Variants in TMEM220 observed in about 807,000 individuals in gnomAD.
TMEM220 encodes the protein transmembrane protein 220.
TMEM220 carries 21 observed loss-of-function variants against 21.7 expected under a neutral mutation model. That is an observed-to-expected ratio of 0.97 (90% CI 0.69 to 1.39). TMEM220 has a LOEUF of 1.39. TMEM220 is among the 40% of genes most tolerant of loss of function. TMEM220 has a pLI of 0.00. For missense variants in TMEM220, 191 were observed against 201.9 expected (o/e 0.95, Z 0.33); for synonymous variants, 80 against 73.6 (o/e 1.09, Z -0.45).
downstream of TMEM220, chr17:10,711,182 G>T: frequency 6.6e-7 from 1 of 1,514,376 alleles, no homozygotes; most frequent in Non-Finnish European, 9.0e-7. Flanking sequence ...TGAGCTTTGT[G>T]TTTGTCCCTC....
chr17:10,729,903 G>GAGTCCTGCCACGTGCGGGGCGGTA lies in TMEM220; in HGVS notation c.-53_-52insTACCGCCCCGCACGTGGCAGGACT. 7.8e-7 allele frequency: 1 copy of GAGTCCTGCCACGTGCGGGGCGGTA among 1,280,418 alleles called. No homozygotes were observed. The highest frequency in any genetic ancestry group is 9.9e-7 in the Non-Finnish European group (1 of 1,011,542). The allele number at this position is 1,280,418 out of a possible 1,614,324, so 79.3% of individuals were successfully genotyped here. On this transcript the variant is annotated 5_prime_UTR_variant, in exon 1 of 6. Transcript: ENST00000341871. Reference sequence around the variant, plus strand: ...TGAGTCCTGCCACGTGCGGGGCGGTGAGTCCTGCCACGTACGGTCCGCCTT... The same window carrying GAGTCCTGCCACGTGCGGGGCGGTA: ...TGAGTCCTGCCACGTGCGGGGCGGTGAGTCCTGCCACGTGCGGGGCGGTAAGTCCTGCCACGTACGGTCCGCCTT...
chr17:10,720,957 A>G (rs2074981202), intron 5 of TMEM220, among the ~76,000 whole-genome samples: 2 of 152,258 alleles, frequency 1.3e-5, no homozygotes, highest in South Asian at 4.1e-4. Context: ...AATAAGGTTA[A>G]TAAGAACTGG....
chr17:10,721,225 G>A (rs1256370815), intron 5 of TMEM220, among the ~76,000 whole-genome samples: 1 of 152,130 alleles, frequency 6.6e-6, no homozygotes, highest in Non-Finnish European at 1.5e-5. Flanking sequence ...AAGAATTCAG[G>A]AGCAGACCTG....
intron 5 of TMEM220, among the ~76,000 whole-genome samples, chr17:10,717,604 G>C (rs2074938141): frequency 6.6e-6 from 1 of 152,130 alleles, no homozygotes; most frequent in African/African-American, 2.4e-5. Context: ...TCATGAGTGA[G>C]ACTGCCATGT....
intron 5 of TMEM220, among the ~76,000 whole-genome samples, chr17:10,721,158 A>T (rs992218565): frequency 1.3e-5 from 2 of 152,238 alleles, no homozygotes; most frequent in Admixed American, 1.3e-4. Context: ...CGCCTGGAAC[A>T]TCTTGTCATA....
At chr17:10,722,679 C>T (rs1294755591) in intron 5 of TMEM220, among the ~76,000 whole-genome samples, 1 of 152,144 alleles carries the variant, frequency 6.6e-6, no homozygotes, top group African/African-American at 2.4e-5. Context: ...TAACATTCAT[C>T]GATATGTACA....
At chr17:10,722,272 G>A (rs1419133727) in intron 5 of TMEM220, among the ~76,000 whole-genome samples, 1 of 152,104 alleles carries the variant, frequency 6.6e-6, no homozygotes, top group Non-Finnish European at 1.5e-5. Context: ...TGAGATTACA[G>A]GTGTGAGCCA....
chr17:10,718,244 A>G (rs771264628), intron 5 of TMEM220, among the ~76,000 whole-genome samples: 2 of 152,174 alleles, frequency 1.3e-5, no homozygotes, highest in Non-Finnish European at 2.9e-5. Context: ...TTATTGGTGT[A>G]AAGTTCTTCA....
At position 10,725,059 on chromosome 17, in the gene TMEM220, T is replaced by C; in HGVS notation, c.239A>G (p.Tyr80Cys). Reference protein sequence around the residue: ...CTVWAVGLASYLLHRTQQNIL... With the variant: ...CTVWAVGLASCLLHRTQQNIL... The stretch of plus-strand genomic sequence containing the variant: ...GTTCTGTTGTGTACGATGCAAGAGG[T>C]AGGACGCCAAGCCAACAGCCCACAC... Residue 80 changes from tyrosine to cysteine, a missense_variant, in exon 4 of 6, where the codon TAC (tyrosine) becomes TGC (cysteine). Tyr to Cys is a radical substitution (Grantham distance 194). Transcript: ENST00000341871. 6.2e-7 allele frequency: 1 copy of C among 1,614,038 alleles called. No individual in the cohort carries two copies. Among genetic ancestry groups the C allele is most frequent in the Non-Finnish European group, 8.5e-7 (1 of 1,180,020 alleles).
At chr17:10,717,198 T>C (rs394310) in intron 5 of TMEM220, among the ~76,000 whole-genome samples, 77,497 of 152,062 alleles carry the variant, frequency 0.51, 20,483 homozygotes, top group African/African-American at 0.65. Context: ...GCTGGGACAA[T>C]AGCTGGGACA....
In TMEM220 at chr17:10,727,889, G is replaced by C. The variant is rs377539093; in HGVS notation, c.102+1142C>G. Among the ~76,000 whole-genome samples, 4 of 152,100 alleles carry C rather than the reference G, an allele frequency of 2.6e-5. No homozygotes were observed. The South Asian group carries it at 8.3e-4, about 32-fold the overall frequency. On this transcript the variant is annotated intron_variant, in intron 2 of 5. Transcript: ENST00000341871. The stretch of plus-strand genomic sequence containing the variant: ...ATAAAAGATATTTAGAGCCGGGCGC[G>C]GTGACTCATGTCTGTAATCCCAGCA...
intron 5 of TMEM220, among the ~76,000 whole-genome samples, chr17:10,721,508 C>A (rs200531634): frequency 6.8e-6 from 1 of 146,458 alleles, no homozygotes; most frequent in Non-Finnish European, 1.5e-5. Context: ...GGGAGGCTGA[C>A]GCAGGAGAAT....
intron 5 of TMEM220, among the ~76,000 whole-genome samples, chr17:10,720,029 C>T (rs994295462): frequency 2.6e-5 from 4 of 152,114 alleles, no homozygotes; most frequent in African/African-American, 4.8e-5. Context: ...CTCAACGATC[C>T]GATTAGTAAA....
chr17:10,729,653 C>G, intron 1 of TMEM220, 127 bp downstream of exon 1: 1 of 789,978 alleles, frequency 1.3e-6, no homozygotes, highest in South Asian at 4.2e-5. Flanking sequence ...GCAGAAAGCC[C>G]AAGTCCCGTC....
At chr17:10,717,147 T>C (rs2074931750) in intron 5 of TMEM220, among the ~76,000 whole-genome samples, 1 of 152,236 alleles carries the variant, frequency 6.6e-6, no homozygotes, top group South Asian at 2.1e-4. Flanking sequence ...TCTTGTCCAA[T>C]CATTGGGCAT....
In TMEM220 at chr17:10,714,678, G is replaced by A. The variant is rs190036296; in HGVS notation, c.*775C>T. ...CACACCTGTAATCCCAGCACTTTGGGAGGCCAAGGTGGACAGATCGCTTGA... is the reference window on the plus strand; with the variant it reads ...CACACCTGTAATCCCAGCACTTTGGAAGGCCAAGGTGGACAGATCGCTTGA... On this transcript the variant is annotated 3_prime_UTR_variant, in exon 6 of 6. Transcript: ENST00000341871. 7 of 152,592 alleles carry A rather than the reference G, an allele frequency of 4.6e-5. No individual in the cohort carries two copies. The highest frequency in any genetic ancestry group is 4.6e-4 in the Admixed American group (7 of 15,298). 9.5% of individuals were successfully genotyped at this position (152,592 alleles called of 1,614,324 possible).
rs1359169168 is a variant in TMEM220 at position 10,729,976 on chromosome 17, TG to T, written c.-126del. ...GACCCCCGCCTCGGTTTCGGTGCCT[TG>T]GGGACACTGCCGTGGCCGTCGCTCC... On this transcript the variant is annotated 5_prime_UTR_variant, in exon 1 of 6. Coordinates refer to ENST00000341871, the MANE Select transcript of TMEM220 (RefSeq NM_001004313.3). 4 of 1,219,794 alleles carry T rather than the reference TG, an allele frequency of 3.3e-6. No individual in the cohort carries two copies. Among genetic ancestry groups the T allele is most frequent in the Non-Finnish European group, 4.1e-6 (4 of 983,130 alleles). 75.6% of individuals were successfully genotyped at this position (1,219,794 alleles called of 1,614,324 possible).
chr17:10,716,829 T>C (rs1227952879), intron 5 of TMEM220, among the ~76,000 whole-genome samples: 1 of 152,252 alleles, frequency 6.6e-6, no homozygotes, highest in Non-Finnish European at 1.5e-5. Context: ...CTTTTGTCAT[T>C]ATATGTTTAG....
chr17:10,728,885 T>C (rs2075084659), intron 2 of TMEM220, 146 bp downstream of exon 2: 2 of 807,546 alleles, frequency 2.5e-6, no homozygotes, highest in South Asian at 3.4e-5. Flanking sequence ...ATTAATATTT[T>C]AGGAAAAAGC....
Sources: gnomAD v4.1 joint callset for allele counts (sites outside exome capture counted in the v4.1 genomes callset) on GRCh38, gnomAD v4.1.1 for gene constraint, MANE v1.5 for transcripts, NCBI Gene and HGNC (gene_info 2026-07-23, HGNC 2026-07-21) for gene names.